The following MBTPS1 variants were observed in gnomAD, a reference collection of about 807,000 sequenced individuals.
MBTPS1 encodes the protein membrane bound transcription factor peptidase, site 1, also known as membrane-bound transcription factor site-1 protease.
In MBTPS1, 94 loss-of-function variants were observed where a neutral mutation model predicts 127.8. The observed-to-expected ratio is 0.74, with a 90% CI of 0.62 to 0.87. The LOEUF is 0.87. Ranked by LOEUF, MBTPS1 falls within the 40% of genes least tolerant of loss-of-function variation. MBTPS1 has a pLI of 0.00. For missense variants in MBTPS1, 1,636 were observed against 1,353.2 expected, an observed-to-expected ratio of 1.21 and a Z score of -3.28; for synonymous variants, 632 against 509.4, an observed-to-expected ratio of 1.24 and a Z score of -3.24.
rs1304234616 is a variant in MBTPS1 at position 84,116,777 on chromosome 16, G to T, written c.-367C>A. ...CAGGGCCGGCGGGCCCGGGATAACG[G>T]CGCCTCCGCGGCGAACACGCCTGGG... On this transcript the variant is annotated 5_prime_UTR_variant, in exon 1 of 23. Coordinates refer to ENST00000343411, the MANE Select transcript of MBTPS1 (RefSeq NM_003791.4). 10 of 152,168 alleles carry T rather than the reference G, an allele frequency of 6.6e-5. No individual in the cohort carries two copies. The allele number at this position is 152,168 out of a possible 1,614,324, so 9.4% of individuals were successfully genotyped here.
At chr16:84,089,675 G>A (rs1043296502) in intron 8 of MBTPS1, among the ~76,000 whole-genome samples, 2 of 152,234 alleles carry the variant, frequency 1.3e-5, no homozygotes, top group African/African-American at 4.8e-5. Context: ...GAGGCTCAGA[G>A]AAGTGACGGT....
intron 19 of MBTPS1, chr16:84,061,055 T>C (rs888338544): frequency 3.3e-6 from 1 of 298,562 alleles, no homozygotes; most frequent in Non-Finnish European, 6.4e-6. Context: ...TGGGCTCAAG[T>C]GATCTTCTTG....
chr16:84,069,876 G>T lies in MBTPS1; in HGVS notation c.1945C>A (p.Pro649Thr). 6.2e-7 allele frequency: 1 copy of T among 1,613,838 alleles called. No homozygotes were observed. The highest frequency in any genetic ancestry group is 8.5e-7 in the Non-Finnish European group (1 of 1,179,938). The change falls in exon 14 of 23, where the codon CCT becomes ACT. Residue 649 changes from proline to threonine, a missense_variant. Coordinates refer to ENST00000343411, the MANE Select transcript of MBTPS1 (RefSeq NM_003791.4). ...CTGTGAGGTGCTTACCAGTCTAAAG[G>T]GTCATTCTTCATCCTTAAATTATCC... The part of the protein sequence containing the change: ...PRDNLRMKND[P>T]LDWNGDHIHT...
At chr16:84,107,524 A>T (rs979676329) in intron 1 of MBTPS1, among the ~76,000 whole-genome samples, 1 of 152,242 alleles carries the variant, frequency 6.6e-6, no homozygotes, top group Non-Finnish European at 1.5e-5. Context: ...TGGCTCAAAA[A>T]ATATGGCAAC....
chr16:84,072,361 T>C (rs2085782799), intron 12 of MBTPS1, among the ~76,000 whole-genome samples: 2 of 152,104 alleles, frequency 1.3e-5, no homozygotes, highest in South Asian at 4.1e-4. Context: ...TTTTAGGGAA[T>C]GTTCCTGAAG....
At chr16:84,067,613 T>C (rs972622608) in intron 16 of MBTPS1, 54 bp downstream of exon 16, 2 of 1,359,256 alleles carry the variant, frequency 1.5e-6, no homozygotes, top group African/African-American at 1.5e-5. Flanking sequence ...ATTTGCTGGG[T>C]AGAATTTGAT....
At chr16:84,078,225 C>A (rs537425710) in intron 11 of MBTPS1, among the ~76,000 whole-genome samples, 3 of 151,434 alleles carry the variant, frequency 2.0e-5, no homozygotes, top group Non-Finnish European at 4.4e-5. Context: ...AGCTACCGGG[C>A]GCTCTCGACC....
intron 1 of MBTPS1, among the ~76,000 whole-genome samples, chr16:84,114,882 T>C (rs1048986994): frequency 1.3e-5 from 2 of 150,914 alleles, no homozygotes; most frequent in Non-Finnish European, 3.0e-5. Context: ...GCAGCACTGA[T>C]GGCAGCAATG....
At chr16:84,087,528 G>T in intron 8 of MBTPS1, 68 bp from the exon 9 acceptor site, 1 of 1,061,370 alleles carries the variant, frequency 9.4e-7, no homozygotes, top group Non-Finnish European at 1.4e-6. Context: ...AATTTAAAAT[G>T]GATGATTCAA....
intron 18 of MBTPS1, among the ~76,000 whole-genome samples, chr16:84,065,459 G>A (rs927219796): frequency 6.6e-6 from 1 of 152,102 alleles, no homozygotes; most frequent in African/African-American, 2.4e-5. Flanking sequence ...ATTTCTTATT[G>A]CGGTGATAAA....
intron 2 of MBTPS1, among the ~76,000 whole-genome samples, chr16:84,101,375 C>A (rs910526385): frequency 2.6e-5 from 4 of 151,644 alleles, no homozygotes; most frequent in Non-Finnish European, 5.9e-5. Context: ...CCTATAATCC[C>A]AGCTACTTGG....
chr16:84,055,027 G>A (rs754705397), intron 22 of MBTPS1, among the ~76,000 whole-genome samples: 2 of 152,218 alleles, frequency 1.3e-5, no homozygotes, highest in Non-Finnish European at 2.9e-5. Flanking sequence ...GAGAAGGAGG[G>A]GCCTGTGGTT....
Position 84,064,600 on chromosome 16 carries a change from C to T in MBTPS1, c.2431+1090G>A, listed in dbSNP as rs376171701. On this transcript the variant is annotated intron_variant, in intron 18 of 22. Coordinates refer to ENST00000343411, the MANE Select transcript of MBTPS1 (RefSeq NM_003791.4). ...ATTCTCCCCACCCACCTACCAAAAA[C>T]AAGGATCTCCCAGAGGGTACAAGCC... is the stretch of plus-strand genomic sequence containing the variant. Among the ~76,000 whole-genome samples the T allele has an allele frequency of 9.0e-4, 137 of 152,302 alleles. 4 individuals carry two copies. The South Asian group carries it at 0.026, about 29-fold the overall frequency.
chr16:84,115,793 G>C (rs2086466570), intron 1 of MBTPS1, among the ~76,000 whole-genome samples: 1 of 152,198 alleles, frequency 6.6e-6, no homozygotes, highest in Non-Finnish European at 1.5e-5. Context: ...TCTAAAAGTG[G>C]ATTTGGTAGT....
Position 84,070,694 on chromosome 16 carries a change from G to A in MBTPS1, c.1676C>T (p.Ser559Leu), listed in dbSNP as rs774625551. Residue 559 changes from serine to leucine, a missense_variant, in exon 13 of 23, where the codon TCG (serine) becomes TTG (leucine). Ser to Leu is a moderately radical substitution (Grantham distance 145). Coordinates refer to ENST00000343411, the MANE Select transcript of MBTPS1 (RefSeq NM_003791.4). ...AGAAATGGAGATGGCCAGGTAGCCC[G>A]ACCAAGGCCATAAGACCGAGGAGTA... ...FSYSSVLWPW[S>L]GYLAISISVT... 28 of 1,613,890 alleles carry A rather than the reference G, an allele frequency of 1.7e-5. No individual in the cohort carries two copies. Among genetic ancestry groups the A allele is most frequent in the African/African-American group, 6.7e-5 (5 of 74,892 alleles).
intron 8 of MBTPS1, among the ~76,000 whole-genome samples, chr16:84,089,238 C>G (rs1156310401): frequency 6.6e-6 from 1 of 152,240 alleles, no homozygotes; most frequent in Non-Finnish European, 1.5e-5. Context: ...TGGAGTTGGC[C>G]AACTACGGCC....
At chr16:84,066,751 T>A (rs1209179259) in intron 16 of MBTPS1, 138 bp from the exon 17 acceptor site, 10 of 840,012 alleles carry the variant, frequency 1.2e-5, no homozygotes, top group Non-Finnish European at 1.8e-5. Context: ...TGAAACCAAC[T>A]GTCTGGGTTT....
chr16:84,083,770 T>A (rs1388745514), intron 10 of MBTPS1, among the ~76,000 whole-genome samples: 1 of 152,248 alleles, frequency 6.6e-6, no homozygotes, highest in Admixed American at 6.5e-5. Flanking sequence ...TTTTGTGTGT[T>A]ATCACAACAC....
At position 84,105,510 on chromosome 16, in the gene MBTPS1, C is replaced by A. The variant is rs372147479; in HGVS notation, c.-324-3403G>T. Among the ~76,000 whole-genome samples the A allele has an allele frequency of 5.3e-5, 8 of 152,228 alleles. No homozygotes were observed. The East Asian group carries it at 5.8e-4, about 11-fold the overall frequency. On this transcript the variant is annotated intron_variant, in intron 1 of 22. Coordinates refer to ENST00000343411, the MANE Select transcript of MBTPS1 (RefSeq NM_003791.4). ...GGCACTGCAGCAGCTCTGGAAGAAT[C>A]TGAGCTCAGTAGCACTGAAAGATGG...
Sources: allele counts gnomAD v4.1 joint callset (sites outside exome capture counted in the v4.1 genomes callset), GRCh38; gene constraint gnomAD v4.1.1; transcripts MANE v1.5; gene names NCBI Gene and HGNC (gene_info 2026-07-23, HGNC 2026-07-21).